The following ELF5 variants were observed in gnomAD, a reference collection of about 807,000 sequenced individuals.
ELF5 encodes the protein ETS-related transcription factor Elf-5.
Under a neutral mutation model 38.2 loss-of-function variants are expected in ELF5, and 31 were observed. The observed-to-expected ratio is 0.81, with a 90% CI of 0.61 to 1.10. ELF5 has a LOEUF of 1.10. Among genes scored for constraint, ELF5 ranks in the 50% least tolerant of loss-of-function variants. ELF5 has a pLI of 0.00. For synonymous variants in ELF5, 121 were observed against 112.5 expected (o/e 1.08, Z -0.48); for missense variants, 300 against 306.6 (o/e 0.98, Z 0.16).
At chr11:34,511,513 C>A in intron 1 of ELF5, 1 of 1,614,198 alleles carries the variant, frequency 6.2e-7, no homozygotes, top group South Asian at 1.1e-5. Context: ...GGTGGGCTCA[C>A]TTCACACATG....
intron 1 of ELF5, among the ~76,000 whole-genome samples, chr11:34,506,769 C>T (rs1425706547): frequency 6.6e-6 from 1 of 151,340 alleles, no homozygotes; most frequent in African/African-American, 2.5e-5. Flanking sequence ...CCTTCTTGGC[C>T]TCCCAAAGTC....
intron 1 of ELF5, among the ~76,000 whole-genome samples, chr11:34,512,173 C>T (rs1850776876): frequency 6.6e-6 from 1 of 152,182 alleles, no homozygotes; most frequent in African/African-American, 2.4e-5. Flanking sequence ...AGTATTTCAA[C>T]ACTTACTGCT....
intron 2 of ELF5, among the ~76,000 whole-genome samples, chr11:34,494,217 G>A (rs1850258856): frequency 6.6e-6 from 1 of 152,192 alleles, no homozygotes; most frequent in Non-Finnish European, 1.5e-5. Context: ...ATGTAGAATG[G>A]CACACAGAAA....
intron 2 of ELF5, among the ~76,000 whole-genome samples, chr11:34,495,538 G>A (rs948647635): frequency 6.6e-6 from 1 of 152,206 alleles, no homozygotes; most frequent in Non-Finnish European, 1.5e-5. Context: ...AGGAAATAGA[G>A]GCTCCCCTTA....
In ELF5 at chr11:34,479,194, T is replaced by C. The variant is rs187946522; in HGVS notation, c.*1024A>G. ...AACAAAAAAGACACACAATTTAATT[T>C]GCCATTACAGAGTTGTTAGGACATT... is the stretch of plus-strand genomic sequence containing the variant. On this transcript the variant is annotated 3_prime_UTR_variant, in exon 7 of 7. Coordinates refer to ENST00000257832, the MANE Select transcript of ELF5 (RefSeq NM_001422.4). The C allele has an allele frequency of 9.8e-5, 15 of 152,798 alleles. No individual in the cohort carries two copies. Among genetic ancestry groups the C allele is most frequent in the Admixed American group, 9.8e-4 (15 of 15,294 alleles). 9.5% of individuals were successfully genotyped at this position (152,798 alleles called of 1,614,324 possible).
At chr11:34,482,744 C>T (rs1158229267) in intron 4 of ELF5, among the ~76,000 whole-genome samples, 2 of 152,046 alleles carry the variant, frequency 1.3e-5, no homozygotes, top group Non-Finnish European at 2.9e-5. Context: ...GATCGAGGTC[C>T]GTGCAGGGCC....
chr11:34,493,023 T>C (rs754333510), intron 3 of ELF5: 4 of 210,250 alleles, frequency 1.9e-5, no homozygotes, highest in Non-Finnish European at 3.9e-5. Context: ...GGCGCCACCT[T>C]CTGGCCACTT....
At chr11:34,501,595 G>A (rs534982233) in intron 2 of ELF5, among the ~76,000 whole-genome samples, 5 of 152,016 alleles carry the variant, frequency 3.3e-5, no homozygotes, top group South Asian at 4.2e-4. Context: ...CAACTCTCCC[G>A]CCCACTTGGA....
chr11:34,510,230 C>T (rs1003216587), intron 1 of ELF5, among the ~76,000 whole-genome samples: 3 of 152,002 alleles, frequency 2.0e-5, no homozygotes, highest in African/African-American at 7.2e-5. Flanking sequence ...AGGGCCTTCT[C>T]AGGTGTACAG....
intron 3 of ELF5, chr11:34,493,082 T>A: frequency 3.1e-6 from 1 of 318,132 alleles, no homozygotes; most frequent in Non-Finnish European, 5.8e-6. Context: ...GTTGGACTCC[T>A]GTAGAAAAGG....
At chr11:34,490,191 C>A (rs1850128679) in intron 3 of ELF5, 132 bp from the exon 4 acceptor site, 6 of 939,614 alleles carry the variant, frequency 6.4e-6, no homozygotes, top group Non-Finnish European at 1.0e-5. Flanking sequence ...TAGAGGGAAC[C>A]TTGGAGACCA....
intron 4 of ELF5, among the ~76,000 whole-genome samples, chr11:34,484,723 ATTAGATAGGCC>A (rs1483989904): frequency 6.6e-6 from 1 of 152,128 alleles, no homozygotes; most frequent in Non-Finnish European, 1.5e-5. Flanking sequence ...AAGGCTGCAC[ATTAGATAGGCC>A]TTTCACAGAC....
chr11:34,493,876 G>T (rs1850247205), intron 2 of ELF5, among the ~76,000 whole-genome samples, 164 bp from the exon 3 acceptor site: 1 of 152,196 alleles, frequency 6.6e-6, no homozygotes, highest in Non-Finnish European at 1.5e-5. Flanking sequence ...CTTCTATTCT[G>T]CAGAGAAAAC....
chr11:34,493,267 T>G (rs374471688), intron 3 of ELF5: 5 of 607,542 alleles, frequency 8.2e-6, no homozygotes, highest in African/African-American at 1.9e-5. Context: ...TTTTTTTAAA[T>G]GCACTCAATT....
intron 4 of ELF5, among the ~76,000 whole-genome samples, chr11:34,489,165 G>T (rs1441790296): frequency 6.6e-6 from 1 of 152,214 alleles, no homozygotes; most frequent in Non-Finnish European, 1.5e-5. Flanking sequence ...AAAACAAAAC[G>T]AAAAACGAAA....
intron 2 of ELF5, among the ~76,000 whole-genome samples, chr11:34,500,120 A>G (rs547552222): frequency 1.3e-5 from 2 of 152,312 alleles, no homozygotes; most frequent in African/African-American, 4.8e-5. Context: ...TCCTCAATCT[A>G]GCTGAGGAAA....
chr11:34,481,086 G>T (rs1379908838), intron 5 of ELF5, 119 bp from the exon 6 acceptor site: 1 of 771,528 alleles, frequency 1.3e-6, no homozygotes, highest in Non-Finnish European at 1.8e-6. Flanking sequence ...GCAATGGTGC[G>T]ATCTCGGCTC....
chr11:34,501,172 C>T (rs979624623), intron 2 of ELF5, among the ~76,000 whole-genome samples: 2 of 152,196 alleles, frequency 1.3e-5, no homozygotes, highest in African/African-American at 2.4e-5. Context: ...TCACTGTGCT[C>T]TACCGTCTTC....
At chr11:34,498,747 T>C (rs570572618) in intron 2 of ELF5, among the ~76,000 whole-genome samples, 1 of 152,306 alleles carries the variant, frequency 6.6e-6, no homozygotes, top group East Asian at 1.9e-4. Context: ...CCCACTTCCT[T>C]CTTTGTTATA....
Sources: allele counts gnomAD v4.1 joint callset (sites outside exome capture counted in the v4.1 genomes callset), GRCh38; gene constraint gnomAD v4.1.1; transcripts MANE v1.5; gene names NCBI Gene and HGNC (gene_info 2026-07-23, HGNC 2026-07-21).